KRT73: variants seen among roughly 807,000 people sequenced by gnomAD.
KRT73 encodes keratin, type II cytoskeletal 73.
Under a neutral mutation model 47.2 loss-of-function variants are expected in KRT73, and 44 were observed. The observed-to-expected ratio is 0.93, with a 90% CI of 0.73 to 1.20. The LOEUF (loss-of-function observed/expected upper bound fraction) is 1.20. Among genes scored for constraint, KRT73 ranks in the 50% most tolerant of loss-of-function variants. The probability of loss-of-function intolerance (pLI) is 0.00; values close to 1 mark genes in which losing one functional copy is unlikely to be tolerated. For synonymous variants in KRT73, 285 were observed against 291.3 expected (o/e 0.98, Z 0.22); for missense variants, 713 against 704.5 (o/e 1.01, Z -0.14).
chr12:52,611,039 T>C, intron 6 of KRT73, 165 bp downstream of exon 6: 1 of 1,012,454 alleles, frequency 9.9e-7, no homozygotes, highest in Non-Finnish European at 1.4e-6. Flanking sequence ...TAATCTGCAA[T>C]TGTTCCAAAC....
Position 52,618,245 on chromosome 12 carries a change from C to G in KRT73, c.280G>C (p.Val94Leu). 6.2e-7 allele frequency: 1 copy of G among 1,614,190 alleles called. No homozygotes were observed. The highest frequency in any genetic ancestry group is 1.1e-5 in the South Asian group (1 of 91,074). ...SMFGSVALGS[V>L]CPSLCPPGGI... ...CCGGGCGGGCACAACGACGGACACA[C>G]GGACCCCAAGGCCACACTGCCAAAC... Residue 94 changes from valine (V) to leucine (L), a missense_variant, in exon 1 of 9, where the codon GTG becomes CTG. By Grantham distance (32) the Val-to-Leu change is conservative (BLOSUM62 1). Coordinates refer to ENST00000305748, the MANE Select transcript of KRT73 (RefSeq NM_175068.3).
the KRT73 span, among the ~76,000 whole-genome samples, chr12:52,627,130 C>T: frequency 1.3e-5 from 2 of 152,232 alleles, no homozygotes; most frequent in African/African-American, 2.4e-5. Context: ...CTCCCTTCCC[C>T]TTGGCTAACT....
At chr12:52,618,610 A>G (rs999342392), upstream of KRT73, 45 of 1,421,344 alleles carry the variant, frequency 3.2e-5, no homozygotes, top group African/African-American at 4.3e-5. Context: ...CTCCCACTTT[A>G]TAGGACTCAA....
At chr12:52,619,575 C>G (rs1231406645), upstream of KRT73, among the ~76,000 whole-genome samples, 8 of 152,176 alleles carry the variant, frequency 5.3e-5, no homozygotes, top group African/African-American at 1.4e-4. Flanking sequence ...ATCTATCCGT[C>G]CAACCAGCCA....
intron 6 of KRT73, 146 bp downstream of exon 6, chr12:52,611,058 G>T: frequency 9.2e-7 from 1 of 1,092,250 alleles, no homozygotes; most frequent in East Asian, 2.4e-5. Flanking sequence ...ACTTCAGATG[G>T]GAGCTAAGGG....
intron 5 of KRT73, chr12:52,612,318 C>T (rs1940719638): frequency 6.6e-6 from 1 of 152,196 alleles, no homozygotes; most frequent in Non-Finnish European, 1.5e-5. Flanking sequence ...TTATTTCTGT[C>T]TTTGTTGTCA....
At chr12:52,626,850 C>T in the KRT73 span, among the ~76,000 whole-genome samples, 62 of 152,152 alleles carry the variant, frequency 4.1e-4, no homozygotes, top group Non-Finnish European at 8.2e-4. Context: ...ATTGGGTTCT[C>T]AGGATGTAGG....
intron 7 of KRT73, chr12:52,609,960 A>C (rs908054653): frequency 6.5e-6 from 1 of 153,950 alleles, no homozygotes; most frequent in African/African-American, 2.4e-5. Context: ...TTTTGGGCTA[A>C]ATAATGCTAT....
chr12:52,613,654 G>A lies in KRT73; in HGVS notation c.984+34C>T, dbSNP rs1323493344. 3.7e-6 allele frequency: 6 copies of A among 1,612,006 alleles called. No homozygotes were observed. The African/African-American group carries it at 8.0e-5, about 22-fold the overall frequency. ...GACAGAGTCTGGAGCAGAGGGCCCT[G>A]CATACTTCACTATGGGGAGTTTTGC... On this transcript the variant is annotated intron_variant, in intron 5 of 8. Coordinates refer to ENST00000305748, the MANE Select transcript of KRT73 (RefSeq NM_175068.3).
intron 3 of KRT73, 34 bp from the exon 4 acceptor site, chr12:52,614,708 T>G: frequency 1.9e-6 from 3 of 1,578,086 alleles, no homozygotes; most frequent in Non-Finnish European, 2.6e-6. Context: ...GACCTCACCT[T>G]TCTTCAAGCC....
upstream of KRT73, among the ~76,000 whole-genome samples, chr12:52,621,543 CT>C (rs748351633): frequency 3.9e-5 from 6 of 152,246 alleles, no homozygotes; most frequent in South Asian, 1.2e-3. Flanking sequence ...TCTAGGTTTT[CT>C]ATTTGTCTCC....
At position 52,608,133 on chromosome 12, in the gene KRT73, G is replaced by A; in HGVS notation, c.*63C>T. 6.6e-7 allele frequency: 1 copy of A among 1,521,928 alleles called. No individual in the cohort carries two copies. Among genetic ancestry groups the A allele is most frequent in the Non-Finnish European group, 8.9e-7 (1 of 1,127,084 alleles). 94.3% of individuals were successfully genotyped at this position (1,521,928 alleles called of 1,614,324 possible). On this transcript the variant is annotated 3_prime_UTR_variant, in exon 9 of 9. Coordinates refer to ENST00000305748, the MANE Select transcript of KRT73 (RefSeq NM_175068.3). ...ACAAATGAGACAGAGGAATTTCCTA[G>A]AAGAGTCCGGAGCAGTCTGCCAGGG... is the stretch of plus-strand genomic sequence containing the variant.
upstream of KRT73, among the ~76,000 whole-genome samples, chr12:52,618,877 T>C (rs959028480): frequency 6.6e-6 from 1 of 152,224 alleles, no homozygotes; most frequent in Non-Finnish European, 1.5e-5. Context: ...GGGCCTGGGA[T>C]TGTAGGGGTA....
intron 7 of KRT73, chr12:52,610,178 C>A (rs1312051179): frequency 5.1e-6 from 1 of 197,742 alleles, no homozygotes; most frequent in East Asian, 1.3e-4. Flanking sequence ...TGGGTTCAAG[C>A]GATTCTCCTG....
chr12:52,619,265 G>A (rs867612946), upstream of KRT73, among the ~76,000 whole-genome samples: 4 of 152,158 alleles, frequency 2.6e-5, no homozygotes, highest in Non-Finnish European at 5.9e-5. Flanking sequence ...CACCATTCAC[G>A]ATGGCTGACA....
rs1940791938 is a variant in KRT73 at position 52,615,223 on chromosome 12, T to C, written c.723+56A>G. On this transcript the variant is annotated intron_variant, in intron 3 of 8. Coordinates refer to ENST00000305748, the MANE Select transcript of KRT73 (RefSeq NM_175068.3). ...GGCTCAGACCTCAGCTGCTCCTCTC[T>C]CTTAGCCCAGCACCCACTGCTGGGG... 3.4e-6 allele frequency: 5 copies of C among 1,489,194 alleles called. No homozygotes were observed. The East Asian group carries it at 6.8e-5, about 20-fold the overall frequency. The allele number at this position is 1,489,194 out of a possible 1,614,324, so 92.2% of individuals were successfully genotyped here. A position where few individuals can be genotyped will look rare whatever the true frequency, so the allele number is the denominator to read the frequency against.
In KRT73 at chr12:52,608,365, C is replaced by T. The variant is rs1940628381; in HGVS notation, c.1454G>A (p.Ser485Asn). 1 of 1,613,412 alleles carries T rather than the reference C, an allele frequency of 6.2e-7. No homozygotes were observed. ...CATGCTGTAGCCCCCGCTGACAGAGCTGGGCCAGTAGCCGTAGGTGCCAGC... is the reference window on the plus strand; with the variant it reads ...CATGCTGTAGCCCCCGCTGACAGAGTTGGGCCAGTAGCCGTAGGTGCCAGC... The part of the protein sequence containing the change: ...SNAGTYGYWP[S>N]SVSGGYSMLP... The change falls in exon 9 of 9, where the codon AGC becomes AAC. Residue 485 changes from serine to asparagine, a missense_variant. Physicochemically the swap from Ser to Asn is conservative, Grantham distance 46. Transcript: ENST00000305748.
chr12:52,616,210 C>T lies in KRT73; in HGVS notation c.618G>A (p.Ser206=), dbSNP rs139888404. The change falls in exon 2 of 9, where the codon TCG becomes TCA. Residue 206 remains serine (S), a synonymous_variant. Transcript: ENST00000305748. ...CCACTTCGCGCACGCTCCTCAGCTC[C>T]GAGTCCAGCCTCACCCTGTCCCCAG... is the stretch of plus-strand genomic sequence containing the variant. ...TLSGDRVRLD[S]ELRSVREVVE... is the part of the protein sequence containing the mutation. 5.2e-5 allele frequency: 84 copies of T among 1,614,032 alleles called. No homozygotes were observed. The East Asian group carries it at 6.2e-4, about 12-fold the overall frequency.
Position 52,618,073 on chromosome 12 carries a change from C to T in KRT73, c.447+5G>A, listed in dbSNP as rs201921474. 1 of 1,613,176 alleles carries T rather than the reference C, an allele frequency of 6.2e-7. No individual in the cohort carries two copies. Among genetic ancestry groups the T allele is most frequent in the Non-Finnish European group, 8.5e-7 (1 of 1,179,640 alleles). On this transcript the variant is annotated splice_donor_5th_base_variant and intron_variant, in intron 1 of 8. Coordinates refer to ENST00000305748, the MANE Select transcript of KRT73 (RefSeq NM_175068.3). ...CCAAGATCAGCTTTCTCCAGAAAGA[C>T]CCACCTTGTCAATGAAGGAGGCGAA... is the stretch of plus-strand genomic sequence containing the variant.
Sources: allele counts gnomAD v4.1 joint callset (sites outside exome capture counted in the v4.1 genomes callset), GRCh38; gene constraint gnomAD v4.1.1; transcripts MANE v1.5; gene names NCBI Gene and HGNC (gene_info 2026-07-23, HGNC 2026-07-21).